KLHL32: variants seen among roughly 807,000 people sequenced by gnomAD.
The protein encoded by KLHL32 is kelch like family member 32, also known as kelch-like protein 32.
KLHL32 carries 35 observed loss-of-function variants against 64.8 expected under a neutral mutation model. That is an observed-to-expected ratio of 0.54 (90% CI 0.41 to 0.72). KLHL32 has a LOEUF of 0.72. KLHL32 is among the 30% of genes least tolerant of loss of function. KLHL32 has a pLI of 0.00. For missense variants in KLHL32, 589 were observed against 768.5 expected (o/e 0.77, Z 2.76); for synonymous variants, 259 against 281.0 (o/e 0.92, Z 0.78).
At chr6:97,047,572 T>C (rs1786126656) in intron 4 of KLHL32, among the ~76,000 whole-genome samples, 1 of 152,210 alleles carries the variant, frequency 6.6e-6, no homozygotes, top group Admixed American at 6.5e-5. Context: ...AGAGGGCCCA[T>C]CCTGTTACTC....
intron 1 of KLHL32, among the ~76,000 whole-genome samples, chr6:96,956,154 A>AT: frequency 6.6e-6 from 1 of 152,286 alleles, no homozygotes; most frequent in Middle Eastern, 3.4e-3. Context: ...CTTATTCACT[A>AT]TCACGAGAAC....
intron 4 of KLHL32, among the ~76,000 whole-genome samples, chr6:97,064,226 C>T (rs531470905): frequency 6.6e-6 from 1 of 152,240 alleles, no homozygotes; most frequent in Non-Finnish European, 1.5e-5. Flanking sequence ...TTTCTGTGGT[C>T]TACTAAAGAG....
At chr6:97,080,238 G>T (rs969335482) in intron 5 of KLHL32, among the ~76,000 whole-genome samples, 1 of 152,134 alleles carries the variant, frequency 6.6e-6, no homozygotes, top group African/African-American at 2.4e-5. Context: ...TTGTGTGTAC[G>T]TGTCAGAAGG....
chr6:97,113,146 G>A (rs1247214089), intron 6 of KLHL32, among the ~76,000 whole-genome samples: 2 of 152,120 alleles, frequency 1.3e-5, no homozygotes, highest in African/African-American at 4.8e-5. Context: ...CAAGGTAAAA[G>A]TTAATTGAGA....
chr6:97,056,627 A>C (rs1582872808), intron 4 of KLHL32, among the ~76,000 whole-genome samples: 2 of 152,124 alleles, frequency 1.3e-5, no homozygotes, highest in African/African-American at 2.4e-5. Flanking sequence ...TTGACAAATA[A>C]CTTGCTATTA....
chr6:96,916,927 G>A, the KLHL32 span, among the ~76,000 whole-genome samples: 1 of 151,994 alleles, frequency 6.6e-6, no homozygotes, highest in Non-Finnish European at 1.5e-5. Context: ...ATCAACCTAT[G>A]GAAAAATGCA....
chr6:96,920,865 C>G (rs79924668), upstream of KLHL32, among the ~76,000 whole-genome samples: 1,132 of 152,094 alleles, frequency 7.4e-3, 38 homozygotes, highest in East Asian at 0.068. Context: ...TCACATAAGT[C>G]TTTGAACTTT....
At chr6:97,102,665 G>A (rs563346880) in intron 6 of KLHL32, among the ~76,000 whole-genome samples, 17 of 152,262 alleles carry the variant, frequency 1.1e-4, no homozygotes, top group African/African-American at 3.8e-4. Flanking sequence ...ATTATAGGGT[G>A]TTATTCTATA....
At chr6:97,124,608 T>C (rs181290933) in intron 7 of KLHL32, among the ~76,000 whole-genome samples, 6 of 152,284 alleles carry the variant, frequency 3.9e-5, no homozygotes, top group Non-Finnish European at 4.4e-5. Flanking sequence ...ATAAAACAGA[T>C]AGTTTACTAC....
At chr6:97,024,720 A>G (rs1782480208) in intron 3 of KLHL32, among the ~76,000 whole-genome samples, 1 of 152,164 alleles carries the variant, frequency 6.6e-6, no homozygotes, top group Non-Finnish European at 1.5e-5. Flanking sequence ...AGTCTGGTCT[A>G]CATTTTATTC....
At position 97,080,456 on chromosome 6, in the gene KLHL32, C is replaced by T. The variant is rs183977338; in HGVS notation, c.412-4670C>T. On this transcript the variant is annotated intron_variant, in intron 5 of 10. Coordinates refer to ENST00000369261, the MANE Select transcript of KLHL32 (RefSeq NM_052904.4). ...TGCTCCCTACTGGATACCAGGGACA[C>T]ACAAGGCATGAGACACAATCTTTGC... Among the ~76,000 whole-genome samples the T allele has an allele frequency of 1.5e-3, 223 of 152,346 alleles. 1 individual carries two copies. The highest frequency in any genetic ancestry group is 5.2e-3 in the African/African-American group (218 of 41,578).
intron 6 of KLHL32, among the ~76,000 whole-genome samples, chr6:97,095,991 T>C (rs1794930381): frequency 6.6e-6 from 1 of 152,200 alleles, no homozygotes; most frequent in South Asian, 2.1e-4. Flanking sequence ...GATACATTCC[T>C]GGTGAGCAAT....
At chr6:96,962,987 A>G (rs1006876825) in intron 1 of KLHL32, among the ~76,000 whole-genome samples, 2 of 152,226 alleles carry the variant, frequency 1.3e-5, no homozygotes, top group African/African-American at 4.8e-5. Flanking sequence ...TTACTACAGT[A>G]GCTGAACTTT....
At chr6:97,069,578 A>G (rs901092215) in intron 5 of KLHL32, among the ~76,000 whole-genome samples, 1 of 151,992 alleles carries the variant, frequency 6.6e-6, no homozygotes, top group Non-Finnish European at 1.5e-5. Flanking sequence ...CACCACCTCC[A>G]GTTACACTGT....
chr6:96,950,640 T>C (rs534674579), intron 1 of KLHL32, among the ~76,000 whole-genome samples: 9 of 152,280 alleles, frequency 5.9e-5, no homozygotes, highest in African/African-American at 2.2e-4. Flanking sequence ...GAGTGAATGG[T>C]TAGTGAACGA....
intron 3 of KLHL32, among the ~76,000 whole-genome samples, chr6:96,996,624 G>A (rs1778447756): frequency 6.6e-6 from 1 of 152,040 alleles, no homozygotes; most frequent in African/African-American, 2.4e-5. Context: ...TAATGTAATT[G>A]GTATACCAGT....
At chr6:96,901,260 A>G in the KLHL32 span, among the ~76,000 whole-genome samples, 33 of 152,342 alleles carry the variant, frequency 2.2e-4, no homozygotes, top group Non-Finnish European at 4.3e-4. Context: ...TTTGGAGATC[A>G]GAAGTCCAAA....
chr6:97,119,941 G>A (rs1260274057), intron 7 of KLHL32, among the ~76,000 whole-genome samples: 1 of 152,168 alleles, frequency 6.6e-6, no homozygotes, highest in Non-Finnish European at 1.5e-5. Context: ...GTTTGGCTGA[G>A]TAGCTAGAAG....
At chr6:97,113,615 GA>G (rs1488873659) in intron 6 of KLHL32, among the ~76,000 whole-genome samples, 167 bp from the exon 7 acceptor site, 3 of 152,094 alleles carry the variant, frequency 2.0e-5, no homozygotes, top group South Asian at 2.1e-4. Flanking sequence ...TGCTGAGACG[GA>G]AAAAAAGTTC....
Sources: allele counts gnomAD v4.1 joint callset (sites outside exome capture counted in the v4.1 genomes callset), GRCh38; gene constraint gnomAD v4.1.1; transcripts MANE v1.5; gene names NCBI Gene and HGNC (gene_info 2026-07-23, HGNC 2026-07-21).